NDST4: variants seen among roughly 807,000 people sequenced by gnomAD.
NDST4 encodes N-heparan sulfate sulfotransferase 4.
Under a neutral mutation model 100.8 loss-of-function variants are expected in NDST4, and 63 were observed. The observed-to-expected ratio is 0.62, with a 90% CI of 0.51 to 0.77. The LOEUF is 0.77. Ranked by LOEUF, NDST4 falls within the 30% of genes least tolerant of loss-of-function variation. The pLI is 0.00. For synonymous variants in NDST4, 377 were observed against 361.8 expected, an observed-to-expected ratio of 1.04 and a Z score of -0.48; for missense variants, 943 against 1,018.4, an observed-to-expected ratio of 0.93 and a Z score of 1.01.
chr4:115,027,312 C>T (rs1477579948), intron 2 of NDST4, among the ~76,000 whole-genome samples: 1 of 152,102 alleles, frequency 6.6e-6, no homozygotes, highest in African/African-American at 2.4e-5. Context: ...GGCTCTCAGC[C>T]TCTCTATTAA....
chr4:115,077,333 A>G (rs1729210677), intron 1 of NDST4, 51 bp from the exon 2 acceptor site: 1 of 172,416 alleles, frequency 5.8e-6, no homozygotes, highest in Non-Finnish European at 1.2e-5. Flanking sequence ...AAATATAAAT[A>G]TTTATTTCTA....
intron 7 of NDST4, among the ~76,000 whole-genome samples, chr4:114,870,038 C>G (rs1724113839): frequency 6.6e-6 from 1 of 152,112 alleles, no homozygotes; most frequent in Admixed American, 6.6e-5. Context: ...CTGATCTGCT[C>G]TCTGCAGCCA....
intron 2 of NDST4, among the ~76,000 whole-genome samples, chr4:115,073,882 T>A (rs1336120132): frequency 6.6e-6 from 1 of 151,982 alleles, no homozygotes; most frequent in Non-Finnish European, 1.5e-5. Context: ...TATTTACACA[T>A]ATTTCAAAAC....
At chr4:115,072,716 T>A (rs545079370) in intron 2 of NDST4, among the ~76,000 whole-genome samples, 1 of 151,984 alleles carries the variant, frequency 6.6e-6, no homozygotes, top group Admixed American at 6.6e-5. Flanking sequence ...AATTGTAGGA[T>A]CTAAGCCCAT....
chr4:114,880,533 A>G (rs1278653245), intron 6 of NDST4, among the ~76,000 whole-genome samples: 1 of 152,156 alleles, frequency 6.6e-6, no homozygotes, highest in Non-Finnish European at 1.5e-5. Flanking sequence ...TAATCAGTGT[A>G]AGCTTCACTG....
intron 2 of NDST4, among the ~76,000 whole-genome samples, chr4:115,063,556 A>C (rs1728868454): frequency 6.6e-6 from 1 of 151,908 alleles, no homozygotes. Flanking sequence ...CATTCTTTAG[A>C]TATGAAACCT....
At chr4:114,865,750 G>C (rs969559381) in intron 7 of NDST4, among the ~76,000 whole-genome samples, 1 of 152,072 alleles carries the variant, frequency 6.6e-6, no homozygotes, top group East Asian at 1.9e-4. Flanking sequence ...TTTGACCCTT[G>C]ACAAGAACAT....
intron 2 of NDST4, among the ~76,000 whole-genome samples, chr4:114,986,821 T>TAA (rs1726919049): frequency 7.9e-6 from 1 of 126,728 alleles, no homozygotes; most frequent in Non-Finnish European, 1.6e-5. Context: ...TATATATATA[T>TAA]ATATATATAT....
At chr4:115,057,569 C>A (rs950928808) in intron 2 of NDST4, among the ~76,000 whole-genome samples, 2 of 152,140 alleles carry the variant, frequency 1.3e-5, no homozygotes, top group African/African-American at 2.4e-5. Context: ...TGTATTATTT[C>A]TAACGTTTAT....
intron 2 of NDST4, among the ~76,000 whole-genome samples, chr4:115,033,157 A>ATATATATATATATATTTTTT: frequency 1.7e-5 from 1 of 59,948 alleles, no homozygotes; most frequent in African/African-American, 5.8e-5. Flanking sequence ...ATATATATAT[A>ATATATATATATATATTTTTT]TTTTTTTTTT....
intron 2 of NDST4, among the ~76,000 whole-genome samples, chr4:115,029,072 C>G (rs1480645885): frequency 1.3e-5 from 2 of 152,008 alleles, no homozygotes; most frequent in Non-Finnish European, 2.9e-5. Flanking sequence ...GAGCTTCAGT[C>G]AAGAAACTTA....
At chr4:115,070,765 T>A (rs531263) in intron 2 of NDST4, among the ~76,000 whole-genome samples, 36,839 of 152,024 alleles carry the variant, frequency 0.24, 6,004 homozygotes, top group East Asian at 0.46. Flanking sequence ...CTTAGGCCAA[T>A]TATATCTAAG....
chr4:115,056,212 C>A (rs1728690709), intron 2 of NDST4, among the ~76,000 whole-genome samples: 1 of 151,832 alleles, frequency 6.6e-6, no homozygotes. Context: ...ATGAGCCAAG[C>A]ATGATGGCTC....
At chr4:114,864,499 G>T (rs899418582) in intron 7 of NDST4, among the ~76,000 whole-genome samples, 42 of 151,968 alleles carry the variant, frequency 2.8e-4, no homozygotes, top group Non-Finnish European at 5.9e-5. Context: ...TTCAAGTTTT[G>T]TCTCTCAATG....
chr4:114,839,314 T>C (rs1723375024), intron 11 of NDST4, 64 bp downstream of exon 11: 2 of 1,435,134 alleles, frequency 1.4e-6, no homozygotes, highest in South Asian at 1.4e-5. Flanking sequence ...GACATTATAA[T>C]AAAATATAAA....
intron 4 of NDST4, among the ~76,000 whole-genome samples, chr4:114,957,097 A>C (rs190106062): frequency 8.0e-4 from 122 of 152,346 alleles, no homozygotes; most frequent in Non-Finnish European, 1.5e-3. Flanking sequence ...TAGAGATAGA[A>C]ATATTAATAA....
At chr4:115,068,515 T>G (rs1728999289) in intron 2 of NDST4, among the ~76,000 whole-genome samples, 1 of 151,760 alleles carries the variant, frequency 6.6e-6, no homozygotes, top group Admixed American at 6.6e-5. Flanking sequence ...CTTTACAAAG[T>G]AAATCAGTTC....
chr4:115,033,649 C>A (rs1028256421), intron 2 of NDST4, among the ~76,000 whole-genome samples: 3 of 152,020 alleles, frequency 2.0e-5, no homozygotes, highest in South Asian at 4.2e-4. Flanking sequence ...AGGGTTACAA[C>A]ATTTATTATT....
intron 2 of NDST4, among the ~76,000 whole-genome samples, chr4:115,005,216 C>T (rs1167246257): frequency 1.3e-5 from 2 of 152,136 alleles, no homozygotes; most frequent in East Asian, 3.8e-4. Context: ...GAACAATACA[C>T]ACAAATGGCC....
Sources: gnomAD v4.1 joint callset for allele counts (sites outside exome capture counted in the v4.1 genomes callset) on GRCh38, gnomAD v4.1.1 for gene constraint, MANE v1.5 for transcripts, NCBI Gene and HGNC (gene_info 2026-07-23, HGNC 2026-07-21) for gene names.